The following PTPN21 variants were observed in gnomAD, a reference collection of about 807,000 sequenced individuals.
The protein encoded by PTPN21 is protein tyrosine phosphatase non-receptor type 21.
A neutral mutation model predicts 131.8 loss-of-function variants in PTPN21; 77 were observed. That is an observed-to-expected ratio of 0.58 (90% CI 0.49 to 0.71). PTPN21 has a LOEUF of 0.71. PTPN21 is among the 30% of genes least tolerant of loss of function. The probability of loss-of-function intolerance (pLI) is 0.00; values close to 1 mark genes in which losing one functional copy is unlikely to be tolerated. For missense variants in PTPN21, 1,552 were observed against 1,527.1 expected (o/e 1.02, Z -0.27); for synonymous variants, 715 against 621.3 (o/e 1.15, Z -2.24).
At chr14:88,475,905 A>C (rs2077541766) in intron 13 of PTPN21, among the ~76,000 whole-genome samples, 1 of 152,248 alleles carries the variant, frequency 6.6e-6, no homozygotes, top group African/African-American at 2.4e-5. Flanking sequence ...TGTTGTATGT[A>C]GTCAAAACTA....
chr14:88,489,422 T>C (rs1458057247), intron 10 of PTPN21, among the ~76,000 whole-genome samples: 1 of 152,072 alleles, frequency 6.6e-6, no homozygotes, highest in African/African-American at 2.4e-5. Flanking sequence ...TGAGGATCAC[T>C]TGAGGCCAGG....
chr14:88,543,983 C>CAA (rs3994048), intron 2 of PTPN21, among the ~76,000 whole-genome samples: 142,960 of 152,086 alleles, frequency 0.94, 67,667 homozygotes, highest in Non-Finnish European at 1. Flanking sequence ...TATACCACAG[C>CAA]AAACATGAAA....
In PTPN21 at chr14:88,494,126, G is replaced by C. The variant is rs188063648; in HGVS notation, c.932+2287C>G. Among the ~76,000 whole-genome samples the C allele has an allele frequency of 2.4e-4, 37 of 152,230 alleles. No individual in the cohort carries two copies. The East Asian group carries it at 6.8e-3, about 28-fold the overall frequency. Reference sequence around the variant, plus strand: ...TAAAGAGACAGATCATAGTGGAAGGGGGGTACCATAGGACAATCAGGGACA... The same window carrying C: ...TAAAGAGACAGATCATAGTGGAAGGCGGGTACCATAGGACAATCAGGGACA... On this transcript the variant is annotated intron_variant, in intron 10 of 18. Transcript: ENST00000556564.
At chr14:88,545,126 C>T (rs963079306) in intron 2 of PTPN21, among the ~76,000 whole-genome samples, 2 of 152,118 alleles carry the variant, frequency 1.3e-5, no homozygotes, top group East Asian at 1.9e-4. Context: ...TGAGCCACCG[C>T]GCCTGGCCGA....
chr14:88,475,205 G>A (rs539552838), intron 13 of PTPN21, among the ~76,000 whole-genome samples: 15 of 152,180 alleles, frequency 9.9e-5, no homozygotes, highest in Admixed American at 2.6e-4. Flanking sequence ...AACAAAATCC[G>A]TGTTATTCCA....
At position 88,472,446 on chromosome 14, in the gene PTPN21, C is replaced by A. The variant is rs762099870; in HGVS notation, c.2669G>T (p.Arg890Leu). 13 of 1,612,326 alleles carry A rather than the reference C, an allele frequency of 8.1e-6. No individual in the cohort carries two copies. Among genetic ancestry groups the A allele is most frequent in the East Asian group, 2.2e-5 (1 of 44,888 alleles). Residue 890 changes from arginine (R) to leucine (L), a missense_variant, in exon 15 of 19, where the codon CGA (arginine) becomes CTA (leucine). Physicochemically the swap from Arg to Leu is moderately radical, Grantham distance 102. Around this residue, in one of 4 missense-constraint regions of PTPN21, gnomAD observed 316 missense variants for 378.5 expected, o/e 0.83. Transcript: ENST00000556564. ...TGTGAATACCATTCCTTGTTCTAATCGTTGTTCCAGAATTTTACACTATAA... is the reference window on the plus strand; with the variant it reads ...TGTGAATACCATTCCTTGTTCTAATAGTTGTTCCAGAATTTTACACTATAA... ...NDERCKILEQ[R>L]LEQGMVFTEY...
chr14:88,474,131 C>CAAAAAAAAAAAAAAA (rs754719071), intron 13 of PTPN21, among the ~76,000 whole-genome samples: 4 of 46,682 alleles, frequency 8.6e-5, no homozygotes, highest in African/African-American at 2.4e-4. Context: ...AGCTGAAGTC[C>CAAAAAAAAAAAAAAA]AAAAAAAAAA....
At chr14:88,546,877 C>A (rs538649760) in intron 2 of PTPN21, among the ~76,000 whole-genome samples, 73 of 152,178 alleles carry the variant, frequency 4.8e-4, no homozygotes, top group Non-Finnish European at 9.1e-4. Context: ...TGTTTATATG[C>A]TACAGAGCAG....
chr14:88,474,883 G>A (rs2077526479), intron 13 of PTPN21, among the ~76,000 whole-genome samples: 3 of 152,148 alleles, frequency 2.0e-5, no homozygotes. Context: ...GCCGAGGTCA[G>A]GAGATTGAGA....
At chr14:88,543,216 T>C (rs1166275562) in intron 2 of PTPN21, among the ~76,000 whole-genome samples, 1 of 152,144 alleles carries the variant, frequency 6.6e-6, no homozygotes, top group East Asian at 1.9e-4. Flanking sequence ...TCCTCTCTAT[T>C]CTAACAAATC....
At chr14:88,534,328 A>C (rs1207933737) in intron 2 of PTPN21, among the ~76,000 whole-genome samples, 2 of 151,898 alleles carry the variant, frequency 1.3e-5, no homozygotes, top group Non-Finnish European at 2.9e-5. Flanking sequence ...GGTTGCAGTA[A>C]GCCAAGATCA....
chr14:88,553,520 T>C (rs1480963997), intron 1 of PTPN21, among the ~76,000 whole-genome samples: 1 of 150,910 alleles, frequency 6.6e-6, no homozygotes, highest in African/African-American at 2.5e-5. Context: ...AGGTATAAAA[T>C]AATATGCAAT....
chr14:88,486,959 A>G (rs941019818), intron 10 of PTPN21, among the ~76,000 whole-genome samples: 2 of 150,192 alleles, frequency 1.3e-5, no homozygotes, highest in African/African-American at 2.5e-5. Flanking sequence ...CTGGGCAACA[A>G]GAGCGAGATT....
Position 88,479,456 on chromosome 14 carries a change from C to T in PTPN21, c.1975G>A (p.Ala659Thr). ...GLRLKERTLS[A>T]SAAEVAPRAV... The stretch of plus-strand genomic sequence containing the variant: ...CGCGGCGCCACCTCTGCCGCCGACG[C>T]GGATAGGGTGCGCTCCTTGAGCCGC... Residue 659 changes from alanine (A) to threonine (T), a missense_variant, in exon 13 of 19, where the codon GCG becomes ACG. Ala to Thr is a moderately conservative substitution (Grantham distance 58). This residue lies in a region of PTPN21 where 1,016 missense variants were observed against 883.5 expected (regional missense o/e 1.15). Transcript: ENST00000556564. 4 of 1,602,538 alleles carry T rather than the reference C, an allele frequency of 2.5e-6. No individual in the cohort carries two copies. The highest frequency in any genetic ancestry group is 2.2e-5 in the East Asian group (1 of 44,782).
At chr14:88,487,761 T>TA (rs2077759220) in intron 10 of PTPN21, among the ~76,000 whole-genome samples, 1 of 151,840 alleles carries the variant, frequency 6.6e-6, no homozygotes, top group Non-Finnish European at 1.5e-5. Context: ...AAATAAAAAA[T>TA]AAAAAATACT....
chr14:88,489,084 T>A (rs2077781066), intron 10 of PTPN21, among the ~76,000 whole-genome samples: 1 of 152,094 alleles, frequency 6.6e-6, no homozygotes, highest in South Asian at 2.1e-4. Flanking sequence ...AGTGTATGTG[T>A]CTAACAATCA....
chr14:88,506,023 A>G (rs1180588001), intron 4 of PTPN21, among the ~76,000 whole-genome samples: 1 of 152,124 alleles, frequency 6.6e-6, no homozygotes, highest in Non-Finnish European at 1.5e-5. Flanking sequence ...AATGCCAGTT[A>G]TTGTTTGAAA....
At chr14:88,541,636 C>A (rs563167002) in intron 2 of PTPN21, among the ~76,000 whole-genome samples, 3 of 152,154 alleles carry the variant, frequency 2.0e-5, no homozygotes, top group African/African-American at 4.8e-5. Context: ...CTCTGTCCCC[C>A]CTGAGAGGGG....
intron 2 of PTPN21, among the ~76,000 whole-genome samples, chr14:88,523,587 G>T (rs79907710): frequency 9.2e-5 from 14 of 152,030 alleles, no homozygotes; most frequent in African/African-American, 3.4e-4. Context: ...TTGTACTGAA[G>T]GTTCTAACCA....
Sources: allele counts gnomAD v4.1 joint callset (sites outside exome capture counted in the v4.1 genomes callset), GRCh38; gene constraint gnomAD v4.1.1; regional missense constraint gnomAD v4.1.1; transcripts MANE v1.5; gene names NCBI Gene and HGNC (gene_info 2026-07-23, HGNC 2026-07-21).